Variants in CNTFR observed in about 807,000 individuals in gnomAD.
The protein encoded by CNTFR is ciliary neurotrophic factor receptor subunit alpha.
CNTFR carries 12 observed loss-of-function variants against 40.4 expected under a neutral mutation model. The observed-to-expected ratio is 0.30, with a 90% CI of 0.19 to 0.48. CNTFR has a LOEUF of 0.48. CNTFR is among the 20% of genes least tolerant of loss of function. The pLI is 0.99. For missense variants in CNTFR, 414 were observed against 506.8 expected, an observed-to-expected ratio of 0.82 and a Z score of 1.76; for synonymous variants, 202 against 209.6, an observed-to-expected ratio of 0.96 and a Z score of 0.31.
chr9:34,553,878 G>A (rs1427607972), intron 7 of CNTFR, among the ~76,000 whole-genome samples: 1 of 152,224 alleles, frequency 6.6e-6, no homozygotes, highest in Non-Finnish European at 1.5e-5. Flanking sequence ...TCTGGGCCAC[G>A]TCTGGCTTCA....
intron 1 of CNTFR, among the ~76,000 whole-genome samples, chr9:34,582,102 C>G (rs566139378): frequency 6.6e-6 from 1 of 151,956 alleles, no homozygotes; most frequent in Non-Finnish European, 1.5e-5. Flanking sequence ...AGTGAAACCC[C>G]ATCTCTACCA....
intron 1 of CNTFR, among the ~76,000 whole-genome samples, chr9:34,588,552 C>A (rs1256301206): frequency 3.9e-5 from 6 of 152,214 alleles, no homozygotes; most frequent in Non-Finnish European, 8.8e-5. Context: ...GGCATGCAGA[C>A]ACACACCCAA....
intron 4 of CNTFR, among the ~76,000 whole-genome samples, chr9:34,558,293 TG>T (rs1006718412): frequency 2.0e-5 from 3 of 152,158 alleles, no homozygotes; most frequent in African/African-American, 7.2e-5. Context: ...AGGTGATGTC[TG>T]GGGGAATCGG....
rs373895043 is a variant in CNTFR at position 34,577,461 on chromosome 9, T to C, written c.-1+3634A>G. Reference sequence around the variant, plus strand: ...GTGACAGGGCCCCAAAGAAGGTAGGTGGTGGGAGCCAAATGAAATCAGGCA... The same window carrying C: ...GTGACAGGGCCCCAAAGAAGGTAGGCGGTGGGAGCCAAATGAAATCAGGCA... On this transcript the variant is annotated intron_variant, in intron 2 of 9. Coordinates refer to ENST00000378980, the MANE Select transcript of CNTFR (RefSeq NM_147164.3). 5.5e-4 allele frequency among the ~76,000 whole-genome samples: 84 copies of C among 151,862 alleles called. 1 individual carries two copies. In the East Asian group the frequency reaches 0.013, roughly 23 times the overall value.
intron 2 of CNTFR, chr9:34,571,242 A>C (rs1020235891): frequency 1.3e-5 from 2 of 152,292 alleles, no homozygotes; most frequent in Non-Finnish European, 2.9e-5. Context: ...AGAAAACGAG[A>C]CCAGCAGCCA....
At position 34,568,375 on chromosome 9, in the gene CNTFR, C is replaced by A. The variant is rs572652912; in HGVS notation, c.85+522G>T. Among the ~76,000 whole-genome samples the A allele has an allele frequency of 5.3e-5, 8 of 152,240 alleles. No homozygotes were observed. The South Asian group carries it at 1.7e-3, about 32-fold the overall frequency. On this transcript the variant is annotated intron_variant, in intron 3 of 9. Coordinates refer to ENST00000378980, the MANE Select transcript of CNTFR (RefSeq NM_147164.3). ...CCTGAGCTGTCCCTCCCCCGTGTGG[C>A]CATTCCAGCTGATTAACCTGTCCCT...
At chr9:34,587,169 G>C (rs780569882) in intron 1 of CNTFR, among the ~76,000 whole-genome samples, 2 of 152,192 alleles carry the variant, frequency 1.3e-5, no homozygotes, top group South Asian at 2.1e-4. Context: ...TGAAGTGAGA[G>C]AGCCTGTGAG....
intron 7 of CNTFR, among the ~76,000 whole-genome samples, chr9:34,554,805 G>A (rs1343949521): frequency 2.0e-5 from 3 of 152,218 alleles, no homozygotes; most frequent in Non-Finnish European, 4.4e-5. Context: ...GTCAAGGACT[G>A]GGGAGAATAG....
At chr9:34,553,211 G>C (rs1825707383) in intron 7 of CNTFR, among the ~76,000 whole-genome samples, 1 of 152,150 alleles carries the variant, frequency 6.6e-6, no homozygotes, top group Admixed American at 6.5e-5. Context: ...CACAGTCCCA[G>C]CCTGGAGGTG....
intron 1 of CNTFR, among the ~76,000 whole-genome samples, chr9:34,585,413 A>G (rs1827497314): frequency 1.3e-5 from 2 of 152,178 alleles, no homozygotes; most frequent in Admixed American, 6.5e-5. Context: ...CGAGCTGAAC[A>G]CAAGTCACTA....
intron 2 of CNTFR, among the ~76,000 whole-genome samples, chr9:34,577,122 G>A (rs1827012465): frequency 6.6e-6 from 1 of 152,242 alleles, no homozygotes; most frequent in South Asian, 2.1e-4. Context: ...CTTGGACCCT[G>A]CAGCCCCGCC....
intron 2 of CNTFR, among the ~76,000 whole-genome samples, chr9:34,573,903 A>AG (rs1045060017): frequency 1.3e-5 from 2 of 152,244 alleles, no homozygotes; most frequent in African/African-American, 4.8e-5. Context: ...GAGATGGAGA[A>AG]GGAAATGAGA....
At chr9:34,563,518 T>G (rs1826155056) in intron 4 of CNTFR, among the ~76,000 whole-genome samples, 1 of 152,258 alleles carries the variant, frequency 6.6e-6, no homozygotes, top group South Asian at 2.1e-4. Context: ...CCTTTTTGTG[T>G]GTCACTTTCC....
In CNTFR at chr9:34,578,439, CA is replaced by C. The variant is rs747610419; in HGVS notation, c.-1+2655del. ...TCCGGTCCCGGCCCCTCTCCACACC[CA>C]GGGGTGGCCGGGGCCTCCTTTCCCC... On this transcript the variant is annotated intron_variant, in intron 2 of 9. Transcript: ENST00000378980. Among the ~76,000 whole-genome samples, 141 of 152,324 alleles carry C rather than the reference CA, an allele frequency of 9.3e-4. No individual in the cohort carries two copies. In the Middle Eastern group the frequency reaches 0.02, roughly 22 times the overall value.
At chr9:34,573,692 G>T (rs568085385) in intron 2 of CNTFR, among the ~76,000 whole-genome samples, 1 of 152,310 alleles carries the variant, frequency 6.6e-6, no homozygotes, top group Non-Finnish European at 1.5e-5. Context: ...GAATCCCACA[G>T]TGAGGGGAAA....
chr9:34,578,967 C>T (rs1827137834), intron 2 of CNTFR, among the ~76,000 whole-genome samples: 1 of 152,202 alleles, frequency 6.6e-6, no homozygotes, highest in African/African-American at 2.4e-5. Flanking sequence ...CCTAGGGTCT[C>T]CAGGGAGGGA....
chr9:34,569,960 C>G (rs1000605310), intron 2 of CNTFR: 1 of 152,184 alleles, frequency 6.6e-6, no homozygotes, highest in Non-Finnish European at 1.5e-5. Context: ...CTATTCTCTC[C>G]CCCTCCCCCA....
intron 4 of CNTFR, among the ~76,000 whole-genome samples, chr9:34,560,281 G>A (rs1427706797): frequency 1.3e-5 from 2 of 152,226 alleles, no homozygotes; most frequent in East Asian, 1.9e-4. Flanking sequence ...AAGACGCTGT[G>A]ATTGCAAGGC....
chr9:34,575,172 G>A (rs1182041073), intron 2 of CNTFR, among the ~76,000 whole-genome samples: 1 of 152,180 alleles, frequency 6.6e-6, no homozygotes, highest in African/African-American at 2.4e-5. Context: ...AGGCTCTGGA[G>A]AGCTTCACAG....
Sources: allele counts gnomAD v4.1 joint callset (sites outside exome capture counted in the v4.1 genomes callset), GRCh38; gene constraint gnomAD v4.1.1; transcripts MANE v1.5; gene names NCBI Gene and HGNC (gene_info 2026-07-23, HGNC 2026-07-21).